The following AXDND1 variants were observed in gnomAD, a reference collection of about 807,000 sequenced individuals.
AXDND1 encodes the protein axonemal dynein light chain domain containing 1.
In AXDND1, 110 loss-of-function variants were observed where a neutral mutation model predicts 137.5. The ratio of observed to expected loss-of-function variants is 0.80; its 90% CI spans 0.69 to 0.94. The LOEUF (loss-of-function observed/expected upper bound fraction) is 0.94, where lower values mean the gene tolerates loss of function less well. Among genes scored for constraint, AXDND1 ranks in the 40% least tolerant of loss-of-function variants. The probability of loss-of-function intolerance (pLI) is 0.00; values close to 1 mark genes in which losing one functional copy is unlikely to be tolerated. For synonymous variants in AXDND1, 414 were observed against 399.7 expected (o/e 1.04, Z -0.43); for missense variants, 1,191 against 1,169.8 (o/e 1.02, Z -0.26).
intron 12 of AXDND1, among the ~76,000 whole-genome samples, chr1:179,411,923 C>G (rs1318829068): frequency 6.6e-6 from 1 of 151,966 alleles, no homozygotes; most frequent in Non-Finnish European, 1.5e-5. Flanking sequence ...GCAATCACAG[C>G]TTACTGTAGC....
At chr1:179,456,399 T>C (rs1258223170) in intron 16 of AXDND1, 2 of 781,898 alleles carry the variant, frequency 2.6e-6, no homozygotes, top group African/African-American at 3.4e-5. Context: ...ATTGCCAAAA[T>C]CATTGTAGCT....
Position 179,554,630 on chromosome 1 carries a change from T to G in AXDND1, c.*111T>G. Reference sequence around the variant, plus strand: ...ATTGTTCTGTACTAAGGAACAACATTCCCTTTGAAAGGACATTATTTGCCT... The same window carrying G: ...ATTGTTCTGTACTAAGGAACAACATGCCCTTTGAAAGGACATTATTTGCCT... On this transcript the variant is annotated 3_prime_UTR_variant, in exon 26 of 26. Transcript: ENST00000367618. The G allele has an allele frequency of 6.6e-7, 1 of 1,518,430 alleles. No homozygotes were observed. The highest frequency in any genetic ancestry group is 9.1e-7 in the Non-Finnish European group (1 of 1,094,424). 94.1% of individuals were successfully genotyped at this position (1,518,430 alleles called of 1,614,324 possible). A position where few individuals can be genotyped will look rare whatever the true frequency, so the allele number is the denominator to read the frequency against.
At chr1:179,503,775 C>A (rs2125622537) in intron 20 of AXDND1, among the ~76,000 whole-genome samples, 1 of 152,000 alleles carries the variant, frequency 6.6e-6, no homozygotes, top group Non-Finnish European at 1.5e-5. Flanking sequence ...TCTCATTGTT[C>A]AATTCCCACC....
At chr1:179,475,225 C>G (rs1239430581) in intron 17 of AXDND1, among the ~76,000 whole-genome samples, 1 of 152,238 alleles carries the variant, frequency 6.6e-6, no homozygotes, top group Non-Finnish European at 1.5e-5. Context: ...CACACAGAGT[C>G]CCTACTGGAG....
intron 18 of AXDND1, among the ~76,000 whole-genome samples, chr1:179,486,119 C>CAA (rs1173009992): frequency 1.8e-3 from 41 of 22,374 alleles, no homozygotes; most frequent in Non-Finnish European, 2.5e-3. Context: ...AACTCTGTCT[C>CAA]AAAAAAAAAA....
chr1:179,551,097 A>T (rs1008305142), intron 25 of AXDND1: 18 of 1,584,554 alleles, frequency 1.1e-5, no homozygotes, highest in Non-Finnish European at 1.5e-5. Flanking sequence ...GCAGGGAATG[A>T]GGACAGAGTG....
At chr1:179,506,710 A>G in intron 20 of AXDND1, 1 of 249,352 alleles carries the variant, frequency 4.0e-6, no homozygotes, top group Non-Finnish European at 6.4e-6. Flanking sequence ...AGCCTGGGCG[A>G]CAGAGTAAGA....
At chr1:179,488,631 TC>T (rs767933429) in intron 18 of AXDND1, among the ~76,000 whole-genome samples, 7 of 67,080 alleles carry the variant, frequency 1.0e-4, no homozygotes, top group East Asian at 8.5e-4. Flanking sequence ...TCTCTCTCTC[TC>T]TCCTTTCTTT....
Position 179,525,382 on chromosome 1 carries a change from G to A in AXDND1, c.2545G>A (p.Glu849Lys). 1 of 1,612,354 alleles carries A rather than the reference G, an allele frequency of 6.2e-7. No homozygotes were observed. Among genetic ancestry groups the A allele is most frequent in the Non-Finnish European group, 8.5e-7 (1 of 1,178,940 alleles). The part of the protein sequence containing the change: ...IEPEIDESFK[E>K]DEEESKEDRK... ...GCCTGAAATAGACGAGTCTTTTAAA[G>A]AAGATGAAGAAGAAAGTAAGGAGGA... Residue 849 changes from glutamate to lysine, a missense_variant, in exon 22 of 26, where the codon GAA becomes AAA. Coordinates refer to ENST00000367618, the MANE Select transcript of AXDND1 (RefSeq NM_144696.6).
At chr1:179,464,702 A>C (rs991321859) in intron 16 of AXDND1, among the ~76,000 whole-genome samples, 23 of 152,178 alleles carry the variant, frequency 1.5e-4, no homozygotes, top group African/African-American at 3.1e-4. Flanking sequence ...TAATATCCTG[A>C]AGAGTGTTTT....
chr1:179,374,899 G>A (rs778618011), intron 4 of AXDND1, among the ~76,000 whole-genome samples: 61 of 151,666 alleles, frequency 4.0e-4, no homozygotes, highest in Non-Finnish European at 7.7e-4. Context: ...GGGGGGTGCA[G>A]CACACCAACA....
intron 25 of AXDND1, among the ~76,000 whole-genome samples, chr1:179,536,042 A>G (rs545848376): frequency 6.6e-6 from 1 of 152,282 alleles, no homozygotes; most frequent in South Asian, 2.1e-4. Context: ...GTCTGTTCAT[A>G]TCCTTTGCCC....
chr1:179,517,667 T>A (rs989831780), intron 21 of AXDND1, among the ~76,000 whole-genome samples: 1 of 152,210 alleles, frequency 6.6e-6, no homozygotes, highest in Admixed American at 6.5e-5. Context: ...GCTCTCTAAA[T>A]TGACTCAGCT....
At chr1:179,502,809 A>G (rs1454330154) in intron 20 of AXDND1, among the ~76,000 whole-genome samples, 1 of 151,320 alleles carries the variant, frequency 6.6e-6, no homozygotes, top group Non-Finnish European at 1.5e-5. Context: ...ACATAAGAAC[A>G]TTCTGGCCAG....
chr1:179,448,510 G>A lies in AXDND1; in HGVS notation c.1798+3306G>A, dbSNP rs547364829. The A allele has an allele frequency of 6.9e-4, 255 of 369,064 alleles. 2 individuals are homozygous for A. The highest frequency in any genetic ancestry group is 1.1e-3 in the Non-Finnish European group (200 of 189,736). The allele number at this position is 369,064 out of a possible 1,614,324, so 22.9% of individuals were successfully genotyped here. A position where few individuals can be genotyped will look rare whatever the true frequency, so the allele number is the denominator to read the frequency against. On this transcript the variant is annotated intron_variant, in intron 16 of 25. Coordinates refer to ENST00000367618, the MANE Select transcript of AXDND1 (RefSeq NM_144696.6). Reference sequence around the variant, plus strand: ...ATAAAAGTTAATTTTCTTCAATACCGTAATGCATCGTACAGCTTCTGTTAT... The same window carrying A: ...ATAAAAGTTAATTTTCTTCAATACCATAATGCATCGTACAGCTTCTGTTAT...
intron 21 of AXDND1, 126 bp from the exon 22 acceptor site, chr1:179,525,208 C>A: frequency 1.1e-6 from 1 of 938,854 alleles, no homozygotes. Context: ...CTATTCTTAT[C>A]AACCTTTGTA....
chr1:179,449,864 A>G (rs1438803323), intron 16 of AXDND1: 15 of 151,810 alleles, frequency 9.9e-5, no homozygotes, highest in Non-Finnish European at 2.1e-4. Context: ...ACATACTGCC[A>G]TGTTGCTGAA....
chr1:179,521,261 T>G (rs1312201550), intron 21 of AXDND1, among the ~76,000 whole-genome samples: 1 of 152,184 alleles, frequency 6.6e-6, no homozygotes, highest in Non-Finnish European at 1.5e-5. Context: ...CCTATTTTAA[T>G]TTTATATGCT....
intron 16 of AXDND1, chr1:179,451,281 T>C (rs1660507421): frequency 6.6e-6 from 1 of 152,114 alleles, no homozygotes; most frequent in Admixed American, 6.5e-5. Flanking sequence ...GGTCTATCTA[T>C]ATTGTCTTTT....
Sources: allele counts gnomAD v4.1 joint callset (sites outside exome capture counted in the v4.1 genomes callset), GRCh38; gene constraint gnomAD v4.1.1; transcripts MANE v1.5; gene names NCBI Gene and HGNC (gene_info 2026-07-23, HGNC 2026-07-21).